Variants in SNX7 observed in about 807,000 individuals in gnomAD.
The protein encoded by SNX7 is sorting nexin 7, also known as sorting nexin-7.
Under a neutral mutation model 48.4 loss-of-function variants are expected in SNX7, and 35 were observed. The observed-to-expected ratio is 0.72, with a 90% CI of 0.55 to 0.96. SNX7 has a LOEUF of 0.96. Ranked by LOEUF, SNX7 falls within the 40% of genes least tolerant of loss-of-function variation. SNX7 has a pLI of 0.00. For synonymous variants in SNX7, 190 were observed against 190.2 expected, an observed-to-expected ratio of 1.00 and a Z score of 0.01; for missense variants, 553 against 548.9, an observed-to-expected ratio of 1.01 and a Z score of -0.07.
chr1:98,691,996 A>G (rs902563168), intron 4 of SNX7, among the ~76,000 whole-genome samples: 1 of 150,630 alleles, frequency 6.6e-6, no homozygotes, highest in African/African-American at 2.4e-5. Context: ...TGCTTCTTGC[A>G]TAAATAGCAA....
chr1:98,683,098 TTTCTC>T (rs1309716317), intron 1 of SNX7, among the ~76,000 whole-genome samples: 2 of 152,320 alleles, frequency 1.3e-5, no homozygotes, highest in African/African-American at 2.4e-5. Context: ...GATTTAATAT[TTTCTC>T]TTATCTTTCT....
intron 8 of SNX7, among the ~76,000 whole-genome samples, chr1:98,751,646 A>G (rs1654586541): frequency 6.6e-6 from 1 of 152,108 alleles, no homozygotes; most frequent in Non-Finnish European, 1.5e-5. Context: ...CATCCTGGCT[A>G]ATTGCATGTA....
At chr1:98,712,778 A>G (rs947831450) in intron 7 of SNX7, among the ~76,000 whole-genome samples, 2 of 152,110 alleles carry the variant, frequency 1.3e-5, no homozygotes, top group Non-Finnish European at 2.9e-5. Context: ...AAAGTCTTAG[A>G]TAGCATCTTC....
intron 4 of SNX7, among the ~76,000 whole-genome samples, chr1:98,695,080 T>C (rs1651377623): frequency 6.6e-6 from 1 of 152,232 alleles, no homozygotes; most frequent in African/African-American, 2.4e-5. Flanking sequence ...TACTATTACA[T>C]CTAAAGAATT....
intron 2 of SNX7, among the ~76,000 whole-genome samples, chr1:98,690,107 C>T (rs909490344): frequency 9.9e-5 from 15 of 152,032 alleles, no homozygotes; most frequent in Admixed American, 2.6e-4. Context: ...CAATTGTGTA[C>T]ATCTGTGTGG....
rs9662195 is a variant in SNX7 at position 98,728,220 on chromosome 1, G to C, written c.1126-10017G>C. 1.7e-3 allele frequency among the ~76,000 whole-genome samples: 265 copies of C among 152,052 alleles called. 2 individuals carry two copies. Among genetic ancestry groups the C allele is most frequent in the African/African-American group, 6.3e-3 (260 of 41,446 alleles). On this transcript the variant is annotated intron_variant, in intron 7 of 8. Transcript: ENST00000306121. ...AAACCCTGCAAGCCAGAAGTGTTTG[G>C]TGGCCAATATTCAACATTCTTAAAG...
At chr1:98,677,944 T>G (rs1041204282) in intron 1 of SNX7, among the ~76,000 whole-genome samples, 4 of 151,966 alleles carry the variant, frequency 2.6e-5, no homozygotes, top group Admixed American at 2.6e-4. Flanking sequence ...ATTTTATATC[T>G]GTATCTAGCC....
At chr1:98,695,376 G>C (rs76292874) in intron 4 of SNX7, 142 bp from the exon 5 acceptor site, 22,170 of 725,764 alleles carry the variant, frequency 0.031, 412 homozygotes, top group Non-Finnish European at 0.034. Flanking sequence ...AAGCTCATCT[G>C]CTTCAAGCTA....
intron 8 of SNX7, among the ~76,000 whole-genome samples, chr1:98,756,775 G>A (rs1171364872): frequency 3.3e-5 from 5 of 152,030 alleles, no homozygotes; most frequent in African/African-American, 4.8e-5. Context: ...GAGTCAGCCA[G>A]GTAATGTCTC....
Position 98,760,240 on chromosome 1 carries a change from C to T in SNX7, c.*109C>T, listed in dbSNP as rs112126436. 4 of 829,000 alleles carry T rather than the reference C, an allele frequency of 4.8e-6. No individual in the cohort carries two copies. The highest frequency in any genetic ancestry group is 4.8e-5 in the Admixed American group (2 of 41,988). The allele number at this position is 829,000 out of a possible 1,614,324, so 51.4% of individuals were successfully genotyped here. Reference sequence around the variant, plus strand: ...AAAGTGGATGAAAAATGTTTTGTACCCATCTGGAAAACCAACAACTTGAAA... The same window carrying T: ...AAAGTGGATGAAAAATGTTTTGTACTCATCTGGAAAACCAACAACTTGAAA... On this transcript the variant is annotated 3_prime_UTR_variant, in exon 9 of 9. Transcript: ENST00000306121.
chr1:98,697,573 G>A (rs570608652), intron 5 of SNX7, among the ~76,000 whole-genome samples: 4 of 151,976 alleles, frequency 2.6e-5, no homozygotes, highest in South Asian at 2.1e-4. Context: ...AATACATAGC[G>A]TATCAAACAC....
At chr1:98,747,164 T>C (rs1654346517) in intron 8 of SNX7, among the ~76,000 whole-genome samples, 1 of 152,150 alleles carries the variant, frequency 6.6e-6, no homozygotes, top group African/African-American at 2.4e-5. Flanking sequence ...CTTTATGTGC[T>C]TGTATGGTTG....
intron 1 of SNX7, among the ~76,000 whole-genome samples, chr1:98,667,851 T>C (rs1373463103): frequency 6.6e-6 from 1 of 151,898 alleles, no homozygotes; most frequent in African/African-American, 2.4e-5. Flanking sequence ...ATGTTCCCCT[T>C]TCCCTAAGGC....
intron 8 of SNX7, among the ~76,000 whole-genome samples, chr1:98,749,037 C>T (rs959758599): frequency 6.6e-6 from 1 of 152,134 alleles, no homozygotes; most frequent in African/African-American, 2.4e-5. Flanking sequence ...AGCTTGATGT[C>T]TGAAGTGTCT....
chr1:98,738,897 AT>A (rs1184785630), intron 8 of SNX7, among the ~76,000 whole-genome samples: 2 of 148,350 alleles, frequency 1.3e-5, no homozygotes, highest in African/African-American at 2.5e-5. Flanking sequence ...TTTTTTTTTT[AT>A]TGTAAACATA....
intron 1 of SNX7, among the ~76,000 whole-genome samples, chr1:98,673,436 C>G (rs893036891): frequency 6.6e-6 from 1 of 152,186 alleles, no homozygotes; most frequent in East Asian, 1.9e-4. Flanking sequence ...TATTCAGCAA[C>G]CTGCTCCATT....
intron 4 of SNX7, among the ~76,000 whole-genome samples, chr1:98,694,419 A>G (rs1651331691): frequency 1.3e-5 from 2 of 151,514 alleles, no homozygotes; most frequent in South Asian, 4.2e-4. Context: ...CAGTTGGTGA[A>G]GGTGGTGTCA....
intron 1 of SNX7, among the ~76,000 whole-genome samples, chr1:98,683,313 A>T (rs1650604440): frequency 6.6e-6 from 1 of 152,180 alleles, no homozygotes; most frequent in African/African-American, 2.4e-5. Flanking sequence ...TAGGGTGGTT[A>T]TGCAGAGACC....
chr1:98,728,814 A>T (rs143121431), intron 7 of SNX7, among the ~76,000 whole-genome samples: 2,504 of 152,316 alleles, frequency 0.016, 34 homozygotes, highest in Non-Finnish European at 0.027. Context: ...AGAGACCTAC[A>T]AAAAGGCTTA....
Sources: allele counts gnomAD v4.1 joint callset (sites outside exome capture counted in the v4.1 genomes callset), GRCh38; gene constraint gnomAD v4.1.1; transcripts MANE v1.5; gene names NCBI Gene and HGNC (gene_info 2026-07-23, HGNC 2026-07-21).